Variants in CUL4B observed in about 807,000 individuals in gnomAD.
The protein encoded by CUL4B is cullin-4B.
CUL4B carries 1 observed loss-of-function variant against 69.2 expected under a neutral mutation model. The observed-to-expected ratio is 0.01, with a 90% CI of 0.01 to 0.07. The LOEUF is 0.07. Ranked by LOEUF, CUL4B falls within the 10% of genes least tolerant of loss-of-function variation. The probability of loss-of-function intolerance (pLI) is 1.00; values close to 1 mark genes in which losing one functional copy is unlikely to be tolerated. For synonymous variants in CUL4B, 237 were observed against 223.2 expected (o/e 1.06, Z -0.55); for missense variants, 328 against 638.8 (o/e 0.51, Z 5.24).
upstream of CUL4B, among the ~76,000 whole-genome samples, chrX:120,565,869 G>A (rs1172165880): frequency 9.6e-6 from 1 of 104,246 alleles, no homozygotes; most frequent in African/African-American, 3.5e-5. Context: ...GGGACTACAG[G>A]CGCCTACCAC....
At chrX:120,543,682 T>C in intron 8 of CUL4B, 45 bp downstream of exon 8, 3 of 955,239 alleles carry the variant, frequency 3.1e-6, no homozygotes, top group South Asian at 1.9e-5. Context: ...CTGCAAGTGA[T>C]TTAACGACAG....
intron 9 of CUL4B, 56 bp downstream of exon 9, chrX:120,542,910 A>G: frequency 1.2e-6 from 1 of 869,548 alleles, no homozygotes; most frequent in South Asian, 2.1e-5. Flanking sequence ...AAAATTCCCT[A>G]CTAGTTTGCC....
chrX:120,551,681 G>T (rs1389420908), intron 2 of CUL4B, among the ~76,000 whole-genome samples: 1 of 111,841 alleles, frequency 8.9e-6, no homozygotes. Context: ...AAATCTTCAC[G>T]AACCTACACA....
Position 120,525,744 on chromosome X carries a change from T to C in CUL4B, c.*1017A>G, listed in dbSNP as rs1426723104. 9.0e-6 allele frequency: 1 copy of C among 111,266 alleles called. No homozygotes were observed. The highest frequency in any genetic ancestry group is 2.8e-4 in the East Asian group (1 of 3,547). 9.2% of individuals were successfully genotyped at this position (111,266 alleles called of 1,213,427 possible). ...TCAACAAAGAGAAGAGTTGGGATGC[T>C]TCTAAAAAAAACTTTGGTAGAGAAA... On this transcript the variant is annotated 3_prime_UTR_variant, in exon 20 of 20. Transcript: ENST00000371322.
At chrX:120,533,326 G>A (rs747056505) in intron 17 of CUL4B, among the ~76,000 whole-genome samples, 1 of 111,745 alleles carries the variant, frequency 8.9e-6, no homozygotes, top group Admixed American at 9.5e-5. Context: ...TTCAGTAAGT[G>A]GTCCAAATAA....
downstream of CUL4B, among the ~76,000 whole-genome samples, chrX:120,568,069 T>C (rs1228077929): frequency 8.9e-6 from 1 of 111,885 alleles, no homozygotes; most frequent in Non-Finnish European, 1.9e-5. Flanking sequence ...GGAATCCTTT[T>C]TTAAAGTGCA....
intron 2 of CUL4B, among the ~76,000 whole-genome samples, chrX:120,554,788 G>A (rs1176864750): frequency 8.9e-6 from 1 of 112,006 alleles, no homozygotes; most frequent in East Asian, 2.8e-4. Context: ...TTTTAGAAGA[G>A]TACTTTTTCT....
chrX:120,549,032 G>A (rs150351316), intron 2 of CUL4B, among the ~76,000 whole-genome samples: 2,243 of 111,361 alleles, frequency 0.02, 29 homozygotes, highest in Non-Finnish European at 0.034. Context: ...TAAAACAACA[G>A]GCATGCTAAA....
chrX:120,545,308 AC>A (rs1924248541), intron 5 of CUL4B, 135 bp downstream of exon 5: 1 of 497,537 alleles, frequency 2.0e-6, no homozygotes, highest in Non-Finnish European at 3.5e-6. Flanking sequence ...GGAAGATAAA[AC>A]TGCTACAAAG....
chrX:120,541,742 C>T, intron 9 of CUL4B, 22 bp from the exon 10 acceptor site: 1 of 991,390 alleles, frequency 1.0e-6, no homozygotes, highest in Non-Finnish European at 1.4e-6. Flanking sequence ...AACATTTTGG[C>T]ATTAAAATAT....
Position 120,529,922 on chromosome X carries a change from T to C in CUL4B, c.2592+180A>G, listed in dbSNP as rs186017134. On this transcript the variant is annotated intron_variant, in intron 19 of 19. Transcript: ENST00000371322. The stretch of plus-strand genomic sequence containing the variant: ...TGTTATTTTTCCCTTTTGTCACTGC[T>C]GCCCACATATGCCAACAAAGTTTTT... 1.1e-3 allele frequency among the ~76,000 whole-genome samples: 105 copies of C among 96,085 alleles called. 10 individuals carry two copies. The East Asian group carries it at 0.015, about 14-fold the overall frequency. The allele number at this position is 96,085 out of a possible 115,157, so 83.4% of individuals were successfully genotyped here. A position where few individuals can be genotyped will look rare whatever the true frequency, so the allele number is the denominator to read the frequency against.
rs1043743337 is a variant in CUL4B at position 120,526,563 on chromosome X, C to T, written c.*198G>A. ...AAATAACATGCAAAGAGTTCAACAA[C>T]ATTCTTCTTAAAGGTAAGTATTACT... On this transcript the variant is annotated 3_prime_UTR_variant, in exon 20 of 20. Transcript: ENST00000371322. The T allele has an allele frequency of 1.3e-5, 4 of 296,673 alleles. No homozygotes were observed. Among genetic ancestry groups the T allele is most frequent in the Non-Finnish European group, 2.5e-5 (4 of 161,352 alleles). 24.4% of individuals were successfully genotyped at this position (296,673 alleles called of 1,213,427 possible). A position where few individuals can be genotyped will look rare whatever the true frequency, so the allele number is the denominator to read the frequency against.
chrX:120,560,550 G>C lies in CUL4B; in HGVS notation c.89C>G (p.Thr30Ser), dbSNP rs1273403067. 6 of 1,208,866 alleles carry C rather than the reference G, an allele frequency of 5.0e-6. No individual in the cohort carries two copies. The highest frequency in any genetic ancestry group is 6.7e-6 in the Non-Finnish European group (6 of 894,172). ...VRSATDGNTS[T>S]TPPTSAKKRK... ...CTTCTTGGCAGAGGTGGGCGGAGTG[G>C]TGCTGGTATTACCATCAGTGGCAGA... Residue 30 changes from threonine (T) to serine (S), a missense_variant, in exon 1 of 20, where the codon ACC (threonine) becomes AGC (serine). Around this residue, in one of 4 missense-constraint regions of CUL4B, gnomAD observed 102 missense variants for 122.1 expected, o/e 0.84. Coordinates refer to ENST00000371322, the MANE Select transcript of CUL4B (RefSeq NM_001079872.2).
downstream of CUL4B, among the ~76,000 whole-genome samples, chrX:120,567,805 T>C (rs1925600939): frequency 9.3e-6 from 1 of 107,006 alleles, no homozygotes; most frequent in Admixed American, 1.0e-4. Flanking sequence ...AGCCCAGGAG[T>C]TCCAGCTGCA....
chrX:120,561,454 G>A (rs1018213547), upstream of CUL4B: 5 of 530,782 alleles, frequency 9.4e-6, no homozygotes, highest in Non-Finnish European at 1.7e-5. Context: ...GGGGGGGAAG[G>A]GGGGAGGGAG....
intron 10 of CUL4B, 38 bp downstream of exon 10, chrX:120,541,564 G>T: frequency 2.2e-6 from 2 of 889,436 alleles, no homozygotes; most frequent in South Asian, 2.0e-5. Context: ...GTGTAGATAA[G>T]CCATAAGAGA....
At chrX:120,545,694 C>T (rs1924273275) in intron 4 of CUL4B, among the ~76,000 whole-genome samples, 177 bp from the exon 5 acceptor site, 2 of 111,090 alleles carry the variant, frequency 1.8e-5, no homozygotes, top group African/African-American at 3.3e-5. Flanking sequence ...TATTACTCAA[C>T]AGTCAATCCT....
At chrX:120,557,317 T>C (rs1342321148) in intron 2 of CUL4B, among the ~76,000 whole-genome samples, 1 of 111,616 alleles carries the variant, frequency 9.0e-6, no homozygotes, top group Non-Finnish European at 1.9e-5. Context: ...TAGCAAGGGA[T>C]TGCCCTTAGG....
chrX:120,571,756 A>G (rs1011073246), exon 3 of CUL4B: 1 of 110,925 alleles, frequency 9.0e-6, no homozygotes, highest in African/African-American at 3.3e-5. Flanking sequence ...TTCAATAAAT[A>G]CAGTCGGCCC....
Sources: allele counts gnomAD v4.1 joint callset (sites outside exome capture counted in the v4.1 genomes callset), GRCh38; gene constraint gnomAD v4.1.1; regional missense constraint gnomAD v4.1.1; transcripts MANE v1.5; gene names NCBI Gene and HGNC (gene_info 2026-07-23, HGNC 2026-07-21).